Variants in DENND5B observed in about 807,000 individuals in gnomAD.
DENND5B encodes DENN domain-containing protein 5B.
A neutral mutation model predicts 140.6 loss-of-function variants in DENND5B; 34 were observed. That is an observed-to-expected ratio of 0.24 (90% CI 0.18 to 0.32). The LOEUF (loss-of-function observed/expected upper bound fraction) is 0.32, where lower values mean the gene tolerates loss of function less well. Ranked by LOEUF, DENND5B falls within the 10% of genes least tolerant of loss-of-function variation. The pLI, the probability that DENND5B is intolerant of heterozygous loss-of-function variation, is 1.00. For missense variants in DENND5B, 1,142 were observed against 1,560.2 expected (o/e 0.73, Z 4.52); for synonymous variants, 551 against 562.1 (o/e 0.98, Z 0.28).
intron 13 of DENND5B, among the ~76,000 whole-genome samples, chr12:31,412,425 T>G (rs1593097995): frequency 6.6e-6 from 1 of 151,110 alleles, no homozygotes; most frequent in Non-Finnish European, 1.5e-5. Context: ...GAGGGGGAGG[T>G]GGATTCAGAA....
rs573179726 is a variant in DENND5B, at chr12:31,436,628, A to C, written c.2013-3380T>G. On this transcript the variant is annotated intron_variant, in intron 7 of 20. Coordinates refer to ENST00000389082, the MANE Select transcript of DENND5B (RefSeq NM_144973.4). The stretch of plus-strand genomic sequence containing the variant: ...CAGCTCACGGCAACCTCTGCCTCCC[A>C]GGTTCAAGCAATTCTCCTGCCTCAG... Among the ~76,000 whole-genome samples the C allele has an allele frequency of 2.2e-4, 34 of 151,256 alleles. No individual in the cohort carries two copies. The East Asian group carries it at 6.5e-3, about 29-fold the overall frequency.
intron 7 of DENND5B, among the ~76,000 whole-genome samples, chr12:31,437,419 C>A (rs1943828909): frequency 6.6e-6 from 1 of 152,130 alleles, no homozygotes; most frequent in Non-Finnish European, 1.5e-5. Flanking sequence ...CAGGCGTGAA[C>A]CACCATGCCT....
At chr12:31,475,542 G>A (rs1366629103) in intron 3 of DENND5B, among the ~76,000 whole-genome samples, 1 of 152,094 alleles carries the variant, frequency 6.6e-6, no homozygotes, top group African/African-American at 2.4e-5. Flanking sequence ...GAGCCCAGGA[G>A]TTTCAAACCA....
intron 7 of DENND5B, among the ~76,000 whole-genome samples, chr12:31,441,300 G>A (rs566118014): frequency 8.5e-5 from 13 of 152,094 alleles, no homozygotes; most frequent in Middle Eastern, 3.4e-3. Context: ...AACCATGATC[G>A]GGCCACAGCA....
chr12:31,446,932 C>G (rs1345137287), intron 6 of DENND5B, among the ~76,000 whole-genome samples: 1 of 150,236 alleles, frequency 6.7e-6, no homozygotes, highest in Non-Finnish European at 1.5e-5. Context: ...ACATAAGTAG[C>G]AAGACAGAAA....
At chr12:31,557,641 C>A (rs181957572) in intron 1 of DENND5B, among the ~76,000 whole-genome samples, 27 of 151,698 alleles carry the variant, frequency 1.8e-4, no homozygotes, top group African/African-American at 6.3e-4. Context: ...CGTACAAATT[C>A]AAGGCATAAG....
At chr12:31,567,310 C>T (rs1949665231) in intron 1 of DENND5B, among the ~76,000 whole-genome samples, 1 of 113,038 alleles carries the variant, frequency 8.8e-6, no homozygotes, top group Non-Finnish European at 1.8e-5. Flanking sequence ...AGAGCAAGAC[C>T]TTGTCTCAAA....
chr12:31,554,500 T>C (rs1449471991), intron 1 of DENND5B, among the ~76,000 whole-genome samples: 1 of 152,200 alleles, frequency 6.6e-6, no homozygotes, highest in Non-Finnish European at 1.5e-5. Flanking sequence ...CTTAACATTT[T>C]TTCCTTCATT....
At chr12:31,449,280 T>C (rs947768686) in intron 5 of DENND5B, among the ~76,000 whole-genome samples, 15 of 152,236 alleles carry the variant, frequency 9.9e-5, no homozygotes, top group Admixed American at 2.6e-4. Context: ...AATTTCCTTA[T>C]AGAAATCCAC....
At chr12:31,568,247 A>T (rs1949699091) in intron 1 of DENND5B, among the ~76,000 whole-genome samples, 1 of 152,250 alleles carries the variant, frequency 6.6e-6, no homozygotes, top group African/African-American at 2.4e-5. Context: ...AATATAAGTG[A>T]ATTTCATGTT....
chr12:31,574,295 A>AATAATAATAATAATTATTATTATT (rs374578025), intron 1 of DENND5B, among the ~76,000 whole-genome samples: 1 of 144,576 alleles, frequency 6.9e-6, no homozygotes, highest in Non-Finnish European at 1.5e-5. Context: ...TAATAATAAT[A>AATAATAATAATAATTATTATTATT]ATTTAAAAGG....
chr12:31,529,718 A>T (rs1380601278), intron 1 of DENND5B, among the ~76,000 whole-genome samples: 1 of 151,774 alleles, frequency 6.6e-6, no homozygotes, highest in Non-Finnish European at 1.5e-5. Flanking sequence ...ATAAATAAAT[A>T]AAAATTTAAA....
At chr12:31,419,536 C>A (rs973594874) in intron 11 of DENND5B, among the ~76,000 whole-genome samples, 4 of 124,754 alleles carry the variant, frequency 3.2e-5, no homozygotes, top group African/African-American at 1.1e-4. Context: ...ACAGACAGCA[C>A]GTTTGTAGAG....
intron 3 of DENND5B, among the ~76,000 whole-genome samples, chr12:31,473,885 T>C (rs1436367937): frequency 2.0e-5 from 3 of 152,212 alleles, no homozygotes; most frequent in South Asian, 2.1e-4. Flanking sequence ...GAGCCTCTTT[T>C]TCCCTTGGAC....
rs1940760863 is a variant in DENND5B, at chr12:31,384,482, G to A, written c.*3121C>T. On this transcript the variant is annotated 3_prime_UTR_variant, in exon 21 of 21. Transcript: ENST00000389082. ...CCATTGGGAATATTCAAAAGAATGG[G>A]GGTACTGGCCATTCAAGCAGCTCAC... 1 of 152,158 alleles carries A rather than the reference G, an allele frequency of 6.6e-6. No individual in the cohort carries two copies. The highest frequency in any genetic ancestry group is 2.4e-5 in the African/African-American group (1 of 41,430). The allele number at this position is 152,158 out of a possible 1,614,324, so 9.4% of individuals were successfully genotyped here.
At chr12:31,444,475 C>T (rs1944187476) in intron 6 of DENND5B, among the ~76,000 whole-genome samples, 1 of 152,134 alleles carries the variant, frequency 6.6e-6, no homozygotes, top group Non-Finnish European at 1.5e-5. Context: ...AACCCATGAC[C>T]CCAGATGATC....
chr12:31,454,217 T>A (rs2138156905), intron 4 of DENND5B, among the ~76,000 whole-genome samples: 1 of 152,010 alleles, frequency 6.6e-6, no homozygotes, highest in African/African-American at 2.4e-5. Context: ...TAAAGCCTGA[T>A]GTAATCTTTG....
At position 31,392,247 on chromosome 12, in the gene DENND5B, T is replaced by C; in HGVS notation, c.3466+20A>G. Reference sequence around the variant, plus strand: ...AAAGGCTTCAGTGACCTTAATGTAATACACATCTACTTTATTTACCTATGA... The same window carrying C: ...AAAGGCTTCAGTGACCTTAATGTAACACACATCTACTTTATTTACCTATGA... On this transcript the variant is annotated intron_variant, in intron 19 of 20. Coordinates refer to ENST00000389082, the MANE Select transcript of DENND5B (RefSeq NM_144973.4). 1.2e-6 allele frequency: 2 copies of C among 1,613,276 alleles called. No individual in the cohort carries two copies. The highest frequency in any genetic ancestry group is 1.7e-6 in the Non-Finnish European group (2 of 1,179,568).
intron 5 of DENND5B, among the ~76,000 whole-genome samples, chr12:31,449,412 C>T (rs1188567416): frequency 6.6e-6 from 1 of 152,166 alleles, no homozygotes; most frequent in African/African-American, 2.4e-5. Context: ...ACTTTTCATA[C>T]ATCAAATAGC....
Sources: allele counts gnomAD v4.1 joint callset (sites outside exome capture counted in the v4.1 genomes callset), GRCh38; gene constraint gnomAD v4.1.1; transcripts MANE v1.5; gene names NCBI Gene and HGNC (gene_info 2026-07-23, HGNC 2026-07-21).